ASIC2: variants seen among roughly 807,000 people sequenced by gnomAD.
The protein encoded by ASIC2 is acid sensing ion channel subunit 2, also known as acid-sensing ion channel 2.
Under a neutral mutation model 57.3 loss-of-function variants are expected in ASIC2, and 25 were observed. That is an observed-to-expected ratio of 0.44 (90% CI 0.32 to 0.61). The LOEUF (loss-of-function observed/expected upper bound fraction) is 0.61. Among genes scored for constraint, ASIC2 ranks in the 20% least tolerant of loss-of-function variants. The pLI is 0.06. For synonymous variants in ASIC2, 319 were observed against 307.5 expected, an observed-to-expected ratio of 1.04 and a Z score of -0.39; for missense variants, 641 against 738.1, an observed-to-expected ratio of 0.87 and a Z score of 1.52.
chr17:33,323,249 T>C (rs1161486483), intron 1 of ASIC2, among the ~76,000 whole-genome samples: 1 of 152,186 alleles, frequency 6.6e-6, no homozygotes, highest in Non-Finnish European at 1.5e-5. Flanking sequence ...ACAGCAGCAC[T>C]ATTCCTACTA....
chr17:34,051,070 G>C (rs1032163976), intron 1 of ASIC2, among the ~76,000 whole-genome samples: 3 of 152,186 alleles, frequency 2.0e-5, no homozygotes, highest in Non-Finnish European at 4.4e-5. Context: ...TTGTGCAATT[G>C]CTTTCCTGCA....
intron 1 of ASIC2, among the ~76,000 whole-genome samples, chr17:33,224,087 C>T (rs1209061443): frequency 2.6e-5 from 4 of 152,154 alleles, no homozygotes; most frequent in Non-Finnish European, 4.4e-5. Context: ...GGCTTGGACA[C>T]GTTGTCTCAA....
At chr17:33,933,186 C>T (rs1044232540) in intron 1 of ASIC2, among the ~76,000 whole-genome samples, 1 of 152,184 alleles carries the variant, frequency 6.6e-6, no homozygotes. Context: ...AAAACACTCT[C>T]CCCTGGACAG....
chr17:33,314,543 T>A (rs1906563622), intron 1 of ASIC2, among the ~76,000 whole-genome samples: 2 of 152,218 alleles, frequency 1.3e-5, no homozygotes, highest in South Asian at 4.1e-4. Context: ...CTCACTGAAG[T>A]CTGCCCTTCT....
chr17:33,897,888 A>G (rs772420137), intron 1 of ASIC2, among the ~76,000 whole-genome samples: 20 of 152,168 alleles, frequency 1.3e-4, no homozygotes, highest in African/African-American at 1.4e-4. Flanking sequence ...AAGTGGATTT[A>G]CACCAGAGAT....
At position 34,130,715 on chromosome 17, in the gene ASIC2, C is replaced by A. The variant is rs375685854; in HGVS notation, c.555+25263G>T. On this transcript the variant is annotated intron_variant, in intron 1 of 9. Transcript: ENST00000359872. ...GTTTTCCCATCTGGGCAGCAAGCTC[C>A]CCAAGGGCTGGGCCCTGCATTACCC... is the stretch of plus-strand genomic sequence containing the variant. Among the ~76,000 whole-genome samples the A allele has an allele frequency of 4.0e-4, 61 of 152,356 alleles. 1 individual carries two copies. The highest frequency in any genetic ancestry group is 1.4e-3 in the African/African-American group (57 of 41,586).
intron 1 of ASIC2, among the ~76,000 whole-genome samples, chr17:33,215,685 T>A (rs1457686106): frequency 6.6e-6 from 1 of 151,646 alleles, no homozygotes; most frequent in Non-Finnish European, 1.5e-5. Context: ...TTTTCCCAAA[T>A]GTTTTAAATA....
intron 1 of ASIC2, among the ~76,000 whole-genome samples, chr17:33,265,262 G>A (rs1909418946): frequency 6.6e-6 from 1 of 152,156 alleles, no homozygotes; most frequent in East Asian, 1.9e-4. Context: ...CAACCCAAAT[G>A]ACCATCAGTG....
intron 1 of ASIC2, among the ~76,000 whole-genome samples, chr17:33,723,763 C>T (rs554208470): frequency 5.9e-5 from 9 of 152,234 alleles, no homozygotes; most frequent in South Asian, 2.1e-4. Flanking sequence ...GGATGATGGA[C>T]GTATTCTGTT....
chr17:34,107,783 C>T (rs2142107095), intron 1 of ASIC2, among the ~76,000 whole-genome samples: 1 of 152,114 alleles, frequency 6.6e-6, no homozygotes, highest in East Asian at 1.9e-4. Flanking sequence ...GTTCATTTGT[C>T]AGTTTGCTTT....
chr17:33,077,327 G>A lies in ASIC2; in HGVS notation c.987+11536C>T, dbSNP rs150811248. 2.0e-4 allele frequency among the ~76,000 whole-genome samples: 31 copies of A among 152,248 alleles called. No individual in the cohort carries two copies. In the East Asian group the frequency reaches 4.6e-3, roughly 23 times the overall value. Reference sequence around the variant, plus strand: ...CTTCCACAAGAGGATCTGCTTCAGGGTTTGGAGCAATTGATGAACCAATAT... The same window carrying A: ...CTTCCACAAGAGGATCTGCTTCAGGATTTGGAGCAATTGATGAACCAATAT... On this transcript the variant is annotated intron_variant, in intron 3 of 9. Transcript: ENST00000225823.
chr17:33,244,340 G>A (rs1908615832), intron 1 of ASIC2, among the ~76,000 whole-genome samples: 1 of 150,456 alleles, frequency 6.6e-6, no homozygotes, highest in Non-Finnish European at 1.5e-5. Flanking sequence ...GTAGACAACC[G>A]GACTGGAAAA....
chr17:33,838,655 T>A (rs953907144), intron 1 of ASIC2, among the ~76,000 whole-genome samples: 2 of 152,288 alleles, frequency 1.3e-5, no homozygotes, highest in Non-Finnish European at 2.9e-5. Flanking sequence ...TGTGCCTCTG[T>A]ACACAACAAT....
chr17:33,329,945 CA>C (rs2142224462), intron 1 of ASIC2, among the ~76,000 whole-genome samples: 1 of 152,306 alleles, frequency 6.6e-6, no homozygotes, highest in East Asian at 1.9e-4. Context: ...GCTGTCCTCT[CA>C]CCCCCTATGG....
intron 1 of ASIC2, among the ~76,000 whole-genome samples, chr17:33,657,292 C>T (rs72811197): frequency 0.04 from 6,085 of 152,276 alleles, 164 homozygotes; most frequent in South Asian, 0.12. Context: ...GCTGCAGTTA[C>T]TGCATCTTTC....
At chr17:33,690,708 C>A (rs960675553) in intron 1 of ASIC2, among the ~76,000 whole-genome samples, 1 of 142,460 alleles carries the variant, frequency 7.0e-6, no homozygotes, top group Non-Finnish European at 1.5e-5. Context: ...CCAAAATTTA[C>A]TTTAGGCATG....
chr17:33,304,307 G>A (rs866535342), intron 1 of ASIC2, among the ~76,000 whole-genome samples: 4 of 152,214 alleles, frequency 2.6e-5, no homozygotes, highest in African/African-American at 9.6e-5. Context: ...AGAGAATTTA[G>A]GCGAGACAGG....
chr17:33,294,919 C>T (rs964042166), upstream of ASIC2, among the ~76,000 whole-genome samples: 1 of 152,102 alleles, frequency 6.6e-6, no homozygotes, highest in Admixed American at 6.5e-5. Flanking sequence ...ACCAAAGGCT[C>T]ATACTCCAGT....
At chr17:33,607,068 AC>A (rs1905250319) in intron 1 of ASIC2, among the ~76,000 whole-genome samples, 1 of 152,048 alleles carries the variant, frequency 6.6e-6, no homozygotes. Flanking sequence ...TACCAATTTG[AC>A]CCAGTGGCTG....
Sources: allele counts gnomAD v4.1 joint callset (sites outside exome capture counted in the v4.1 genomes callset), GRCh38; gene constraint gnomAD v4.1.1; transcripts MANE v1.5; gene names NCBI Gene and HGNC (gene_info 2026-07-23, HGNC 2026-07-21).